SRGAP2B: variants seen among roughly 807,000 people sequenced by gnomAD.
SRGAP2B encodes SLIT-ROBO Rho GTPase-activating protein 2B.
A neutral mutation model predicts 22.2 loss-of-function variants in SRGAP2B; 9 were observed. That is an observed-to-expected ratio of 0.41 (90% confidence interval 0.24 to 0.71). The LOEUF (loss-of-function observed/expected upper bound fraction) is 0.71. Among genes scored for constraint, SRGAP2B ranks in the 30% least tolerant of loss-of-function variants. The pLI, the probability that SRGAP2B is intolerant of heterozygous loss-of-function variation, is 0.35. For missense variants in SRGAP2B, 114 were observed against 235.8 expected (o/e 0.48, Z 3.38); for synonymous variants, 36 against 87.4 (o/e 0.41, Z 3.28).
At chr1:144,974,010 T>A (rs1318742333) in intron 3 of SRGAP2B, among the ~76,000 whole-genome samples, 1 of 150,788 alleles carries the variant, frequency 6.6e-6, no homozygotes, top group Non-Finnish European at 1.5e-5. Flanking sequence ...CTTCTCTATA[T>A]GAAAAGGACA....
Position 144,956,439 on chromosome 1 carries a change from C to CTTT in SRGAP2B, c.261-841_261-839dup, listed in dbSNP as rs3069132. ...AGTGCTAAACCAAGGTGCTCATTCC[C>CTTT]TTTTTTTTTTTTTTTTTTTTTTTTT... On this transcript the variant is annotated intron_variant, in intron 3 of 9. Transcript: ENST00000612199. 4.0e-3 allele frequency among the ~76,000 whole-genome samples: 386 copies of CTTT among 95,386 alleles called. 11 individuals carry two copies. The highest frequency in any genetic ancestry group is 0.016 in the African/African-American group (348 of 21,762). The allele number at this position is 95,386 out of a possible 152,430, so 62.6% of individuals were successfully genotyped here.
chr1:145,061,958 C>CA (rs587607592), intron 2 of SRGAP2B, among the ~76,000 whole-genome samples: 4 of 109,336 alleles, frequency 3.7e-5, no homozygotes, highest in Non-Finnish European at 7.6e-5. Context: ...GACCCTGTCT[C>CA]AAAAAAAAAT....
At chr1:144,955,066 T>C (rs1553610003) in intron 4 of SRGAP2B, among the ~76,000 whole-genome samples, 1 of 150,180 alleles carries the variant, frequency 6.7e-6, no homozygotes, top group Non-Finnish European at 1.5e-5. Flanking sequence ...TTATGAATTA[T>C]AGTACCAGCC....
intron 4 of SRGAP2B, among the ~76,000 whole-genome samples, chr1:144,944,132 G>A (rs1553607960): frequency 1.3e-5 from 2 of 150,256 alleles, no homozygotes; most frequent in Non-Finnish European, 2.9e-5. Context: ...TAGCCTCCTA[G>A]AATAAAACTT....
rs1461782051 is a variant in SRGAP2B at position 145,002,379 on chromosome 1, A to C, written c.68-7179T>G. On this transcript the variant is annotated intron_variant, in intron 2 of 9. Coordinates refer to ENST00000612199, the Ensembl canonical transcript of SRGAP2B. ...GATGAGAAGCCAGCCCTATCCCTGG[A>C]CCTTTCAGTGACACAAGTCAATTCA... Among the ~76,000 whole-genome samples the C allele has an allele frequency of 1.3e-4, 8 of 59,406 alleles. No homozygotes were observed. The Middle Eastern group carries it at 0.02, about 146-fold the overall frequency. The allele number at this position is 59,406 out of a possible 152,430, so 39.0% of individuals were successfully genotyped here.
intron 2 of SRGAP2B, among the ~76,000 whole-genome samples, chr1:145,064,406 C>A (rs1553632004): frequency 6.7e-6 from 1 of 148,302 alleles, no homozygotes; most frequent in Admixed American, 6.6e-5. Context: ...AAGATGGAGG[C>A]CAGGGATGGC....
rs1462792990 is a variant in SRGAP2B, at chr1:144,894,090, G to A, written c.1054-581C>T. On this transcript the variant is annotated intron_variant, in intron 8 of 9. Coordinates refer to ENST00000612199, the Ensembl canonical transcript of SRGAP2B. ...GAAGGAGCTTGGCATTTTCCAAAGA[G>A]CCATCATTTTACCAGGCCTTCCCTA... Among the ~76,000 whole-genome samples the A allele has an allele frequency of 3.5e-4, 49 of 141,166 alleles. 7 individuals are homozygous for A. The highest frequency in any genetic ancestry group is 1.4e-3 in the African/African-American group (48 of 33,452). The allele number at this position is 141,166 out of a possible 152,430, so 92.6% of individuals were successfully genotyped here. A position where few individuals can be genotyped will look rare whatever the true frequency, so the allele number is the denominator to read the frequency against.
chr1:144,955,651 G>A lies in SRGAP2B; in HGVS notation c.261-50C>T. ...AAGTCATTGTTGATACGCAGCCAGG[G>A]CAACATCTACAACTATAGTCCGTGT... is the stretch of plus-strand genomic sequence containing the variant. On this transcript the variant is annotated intron_variant, in intron 3 of 9. Transcript: ENST00000612199. 3 of 624,122 alleles carry A rather than the reference G, an allele frequency of 4.8e-6. No individual in the cohort carries two copies. The East Asian group carries it at 8.5e-5, about 18-fold the overall frequency. The allele number at this position is 624,122 out of a possible 1,614,324, so 38.7% of individuals were successfully genotyped here.
At chr1:144,960,332 C>T (rs1339907156) in intron 3 of SRGAP2B, among the ~76,000 whole-genome samples, 6 of 150,584 alleles carry the variant, frequency 4.0e-5, no homozygotes, top group Non-Finnish European at 7.4e-5. Flanking sequence ...AAACATCATA[C>T]TATACCTGAG....
intron 2 of SRGAP2B, among the ~76,000 whole-genome samples, chr1:145,008,772 A>C (rs1272353923): frequency 9.0e-5 from 11 of 121,942 alleles, no homozygotes; most frequent in Admixed American, 5.8e-4. Context: ...GCTGATCTAA[A>C]CACCACAAGG....
At chr1:144,939,263 T>C (rs1386550656) in intron 4 of SRGAP2B, among the ~76,000 whole-genome samples, 4 of 143,886 alleles carry the variant, frequency 2.8e-5, no homozygotes, top group African/African-American at 1.1e-4. Flanking sequence ...GAAAGGAACT[T>C]GGAATCAGAT....
In SRGAP2B at chr1:145,009,583, G is replaced by C. The variant is rs782521851; in HGVS notation, c.68-14383C>G. On this transcript the variant is annotated intron_variant, in intron 2 of 9. Coordinates refer to ENST00000612199, the Ensembl canonical transcript of SRGAP2B. ...AGCCTGGGCGACAGAGCGAGACTCC[G>C]TCTCAAAAAAAAAAAAAACAAAATT... Among the ~76,000 whole-genome samples the C allele has an allele frequency of 7.8e-5, 11 of 140,614 alleles. No individual in the cohort carries two copies. The South Asian group carries it at 2.2e-3, about 28-fold the overall frequency. The allele number at this position is 140,614 out of a possible 152,430, so 92.2% of individuals were successfully genotyped here.
chr1:145,093,996 G>T (rs782091805), intron 1 of SRGAP2B, among the ~76,000 whole-genome samples: 3 of 148,132 alleles, frequency 2.0e-5, no homozygotes, highest in Non-Finnish European at 4.4e-5. Context: ...TGCTCGGCAC[G>T]GGACACATCC....
intron 3 of SRGAP2B, among the ~76,000 whole-genome samples, chr1:144,965,899 G>C (rs1484809723): frequency 2.7e-5 from 4 of 148,252 alleles, no homozygotes; most frequent in Non-Finnish European, 5.9e-5. Context: ...AGCAATGGAA[G>C]ATGAAATGAA....
intron 2 of SRGAP2B, among the ~76,000 whole-genome samples, chr1:145,084,047 A>AGGT (rs1653147509): frequency 7.3e-6 from 1 of 137,748 alleles, no homozygotes; most frequent in Non-Finnish European, 1.6e-5. Context: ...TTTACCAGAA[A>AGGT]GGTGAGATTT....
intron 3 of SRGAP2B, among the ~76,000 whole-genome samples, chr1:144,984,909 T>C (rs1669605650): frequency 6.7e-6 from 1 of 148,516 alleles, no homozygotes; most frequent in Non-Finnish European, 1.5e-5. Flanking sequence ...CCACATCCAC[T>C]TATTCTCCCA....
chr1:145,021,075 CTGGGA>C (rs1672769732), intron 2 of SRGAP2B, among the ~76,000 whole-genome samples: 1 of 150,612 alleles, frequency 6.6e-6, no homozygotes, highest in Non-Finnish European at 1.5e-5. Context: ...TCCCAAAGTG[CTGGGA>C]TTACAGGCAA....
At chr1:145,069,983 G>A (rs1378489894) in intron 2 of SRGAP2B, among the ~76,000 whole-genome samples, 7 of 148,196 alleles carry the variant, frequency 4.7e-5, no homozygotes, top group Admixed American at 2.0e-4. Context: ...ACCCCAACAA[G>A]ATAAGAGATT....
intron 3 of SRGAP2B, among the ~76,000 whole-genome samples, chr1:144,984,359 CAACAACAAA>C (rs1448496357): frequency 4.7e-5 from 6 of 127,134 alleles, no homozygotes; most frequent in South Asian, 2.5e-4. Context: ...ACAACAACAA[CAACAACAAA>C]AAAAAAAAAA....
Sources: allele counts gnomAD v4.1 joint callset (sites outside exome capture counted in the v4.1 genomes callset), GRCh38; gene constraint gnomAD v4.1.1; transcripts MANE v1.5; gene names NCBI Gene and HGNC (gene_info 2026-07-23, HGNC 2026-07-21).